Variants in OPCML observed in about 807,000 individuals in gnomAD.
OPCML encodes the protein opioid binding protein/cell adhesion molecule like, also known as opioid-binding protein/cell adhesion molecule.
Under a neutral mutation model 37.8 loss-of-function variants are expected in OPCML, and 13 were observed. The ratio of observed to expected loss-of-function variants is 0.34; its 90% CI spans 0.22 to 0.55. The LOEUF (loss-of-function observed/expected upper bound fraction) is 0.55, where lower values mean the gene tolerates loss of function less well. Among genes scored for constraint, OPCML ranks in the 20% least tolerant of loss-of-function variants. The probability of loss-of-function intolerance (pLI) is 0.91; values close to 1 mark genes in which losing one functional copy is unlikely to be tolerated. For missense variants in OPCML, 341 were observed against 435.6 expected (o/e 0.78, Z 1.93); for synonymous variants, 176 against 168.8 (o/e 1.04, Z -0.33).
chr11:133,403,944 G>C (rs1335845393), intron 1 of OPCML, among the ~76,000 whole-genome samples: 1 of 152,208 alleles, frequency 6.6e-6, no homozygotes, highest in African/African-American at 2.4e-5. Context: ...AACTTAGTCT[G>C]CAAATTACCA....
intron 2 of OPCML, among the ~76,000 whole-genome samples, chr11:132,675,955 T>C (rs1467380921): frequency 6.6e-6 from 1 of 152,054 alleles, no homozygotes; most frequent in African/African-American, 2.4e-5. Context: ...AAAATTTACA[T>C]AGAAATCCAA....
chr11:132,549,322 G>A lies in OPCML; in HGVS notation c.380-20136C>T, dbSNP rs372575995. On this transcript the variant is annotated intron_variant, in intron 3 of 7. Coordinates refer to ENST00000524381, the MANE Select transcript of OPCML (RefSeq NM_001012393.5). ...AGTTACCCTATGTGGTCTAAAAGGG[G>A]GAGGAACCCTCAGTTCCAGGAAATC... 3.3e-5 allele frequency among the ~76,000 whole-genome samples: 5 copies of A among 152,246 alleles called. No individual in the cohort carries two copies. The East Asian group carries it at 7.7e-4, about 24-fold the overall frequency.
At chr11:133,192,880 T>C (rs1365462389) in intron 1 of OPCML, among the ~76,000 whole-genome samples, 5 of 152,098 alleles carry the variant, frequency 3.3e-5, no homozygotes, top group Admixed American at 6.5e-5. Flanking sequence ...CTTTTTTTTT[T>C]TTTTCATTTC....
intron 2 of OPCML, among the ~76,000 whole-genome samples, chr11:132,801,722 T>C (rs1381343411): frequency 1.3e-5 from 2 of 152,218 alleles, no homozygotes; most frequent in African/African-American, 2.4e-5. Flanking sequence ...AAATCGCTTC[T>C]ACCTGCTTAT....
At chr11:133,382,815 G>A (rs1355695660) in intron 1 of OPCML, among the ~76,000 whole-genome samples, 1 of 152,078 alleles carries the variant, frequency 6.6e-6, no homozygotes, top group Non-Finnish European at 1.5e-5. Context: ...GAGGGGAGAG[G>A]AGGGCATCTC....
intron 3 of OPCML, among the ~76,000 whole-genome samples, chr11:132,656,822 C>T (rs76213936): frequency 0.1 from 15,224 of 152,210 alleles, 1,050 homozygotes; most frequent in Non-Finnish European, 0.16. Flanking sequence ...AAGTAACTTA[C>T]GAGAGCTCAA....
rs574204510 is a variant in OPCML at position 132,692,932 on chromosome 11, T to C, written c.147-35613A>G. On this transcript the variant is annotated intron_variant, in intron 2 of 7. Coordinates refer to ENST00000524381, the MANE Select transcript of OPCML (RefSeq NM_001012393.5). Reference sequence around the variant, plus strand: ...ACAATTTTCCTAAAGCAGACACTTATTAAGAATGGAAATCATGCTTTGCAA... The same window carrying C: ...ACAATTTTCCTAAAGCAGACACTTACTAAGAATGGAAATCATGCTTTGCAA... Among the ~76,000 whole-genome samples the C allele has an allele frequency of 2.6e-5, 4 of 152,346 alleles. No homozygotes were observed. In the South Asian group the frequency reaches 6.2e-4, roughly 24 times the overall value.
At chr11:132,792,933 G>T (rs1477061383) in intron 2 of OPCML, among the ~76,000 whole-genome samples, 1 of 152,234 alleles carries the variant, frequency 6.6e-6, no homozygotes, top group Non-Finnish European at 1.5e-5. Flanking sequence ...ACGGAGCCCA[G>T]TGCTCCTGAC....
chr11:133,004,398 C>G (rs149033430), intron 1 of OPCML: 1 of 985,350 alleles, frequency 1.0e-6, no homozygotes, highest in African/African-American at 1.7e-5. Flanking sequence ...AAGTTGGAAT[C>G]GTGTCTATCA....
chr11:132,914,155 G>A (rs935706908), intron 2 of OPCML, among the ~76,000 whole-genome samples: 9 of 152,186 alleles, frequency 5.9e-5, no homozygotes, highest in African/African-American at 1.9e-4. Flanking sequence ...ATTCCCTGCC[G>A]CAAATGGAGA....
chr11:133,199,277 G>C (rs1297482547), intron 1 of OPCML, among the ~76,000 whole-genome samples: 1 of 152,154 alleles, frequency 6.6e-6, no homozygotes, highest in Non-Finnish European at 1.5e-5. Flanking sequence ...CTTAAAATTA[G>C]CTCTGGGGGA....
rs572555610 is a variant in OPCML, at chr11:132,663,405, C to T, written c.147-6086G>A. ...ATATCTTTATCTGTATCTACATAGACACACATAGAGTCCATGGGCTCTTTA... is the reference window on the plus strand; with the variant it reads ...ATATCTTTATCTGTATCTACATAGATACACATAGAGTCCATGGGCTCTTTA... On this transcript the variant is annotated intron_variant, in intron 2 of 7. Transcript: ENST00000524381. 7.9e-5 allele frequency among the ~76,000 whole-genome samples: 12 copies of T among 152,302 alleles called. No homozygotes were observed. The South Asian group carries it at 2.5e-3, about 32-fold the overall frequency.
intron 1 of OPCML, among the ~76,000 whole-genome samples, chr11:133,430,242 A>C (rs1449728809): frequency 6.6e-6 from 1 of 152,300 alleles, no homozygotes; most frequent in East Asian, 1.9e-4. Flanking sequence ...TGAGATCTAA[A>C]AACTACAATG....
intron 2 of OPCML, among the ~76,000 whole-genome samples, chr11:132,746,817 C>G (rs775087048): frequency 8.5e-5 from 13 of 152,150 alleles, no homozygotes; most frequent in Non-Finnish European, 1.8e-4. Flanking sequence ...AAGAGAAAAG[C>G]ATGAGATAAA....
At chr11:132,895,997 G>A (rs1326281424) in intron 2 of OPCML, among the ~76,000 whole-genome samples, 1 of 152,162 alleles carries the variant, frequency 6.6e-6, no homozygotes, top group Admixed American at 6.5e-5. Flanking sequence ...TGGGAATATG[G>A]TGGAAGAAAT....
At chr11:132,438,172 G>A (rs2096019512) in intron 4 of OPCML, among the ~76,000 whole-genome samples, 2 of 152,184 alleles carry the variant, frequency 1.3e-5, no homozygotes, top group African/African-American at 2.4e-5. Flanking sequence ...ACAGGTTCTT[G>A]CAACAATCTG....
intron 2 of OPCML, among the ~76,000 whole-genome samples, chr11:132,751,260 C>A (rs184290768): frequency 7.2e-5 from 11 of 152,264 alleles, no homozygotes; most frequent in Admixed American, 2.0e-4. Context: ...TCCTTTCCTG[C>A]CCGGGGTGTC....
intron 4 of OPCML, among the ~76,000 whole-genome samples, chr11:132,492,832 G>T (rs1362142441): frequency 2.0e-5 from 3 of 152,202 alleles, no homozygotes; most frequent in Non-Finnish European, 2.9e-5. Flanking sequence ...CTGGTGCACA[G>T]TAAATTGCTC....
chr11:133,118,793 C>T (rs1218630784), intron 1 of OPCML, among the ~76,000 whole-genome samples: 2 of 152,154 alleles, frequency 1.3e-5, no homozygotes, highest in Admixed American at 1.3e-4. Context: ...GGCCATGCCT[C>T]CCTCTCCCAA....
Sources: allele counts gnomAD v4.1 joint callset (sites outside exome capture counted in the v4.1 genomes callset), GRCh38; gene constraint gnomAD v4.1.1; transcripts MANE v1.5; gene names NCBI Gene and HGNC (gene_info 2026-07-23, HGNC 2026-07-21).